MTA1: variants seen among roughly 807,000 people sequenced by gnomAD.
MTA1 encodes metastasis associated 1, also known as metastasis-associated protein MTA1.
MTA1 carries 15 observed loss-of-function variants against 97.0 expected under a neutral mutation model. The observed-to-expected ratio is 0.15, with a 90% CI of 0.10 to 0.24. MTA1 has a LOEUF of 0.24. MTA1 is among the 10% of genes least tolerant of loss of function. The probability of loss-of-function intolerance (pLI) is 1.00; values close to 1 mark genes in which losing one functional copy is unlikely to be tolerated. For synonymous variants in MTA1, 435 were observed against 417.5 expected (o/e 1.04, Z -0.51); for missense variants, 709 against 1,015.1 (o/e 0.70, Z 4.10).
At chr14:105,468,452 G>A in intron 18 of MTA1, 1 of 1,110,130 alleles carries the variant, frequency 9.0e-7, no homozygotes, top group African/African-American at 1.6e-5. Context: ...CCGCAGATCA[G>A]GCACCTGGGC....
intron 1 of MTA1, among the ~76,000 whole-genome samples, chr14:105,427,942 C>T (rs1389328725): frequency 7.0e-6 from 1 of 142,440 alleles, no homozygotes; most frequent in Non-Finnish European, 1.5e-5. Flanking sequence ...CACTTGCGTG[C>T]AGGACGCAGA....
Position 105,450,339 on chromosome 14 carries a change from G to C in MTA1, c.432+15G>C, listed in dbSNP as rs782484850. The C allele has an allele frequency of 1.9e-6, 3 of 1,595,728 alleles. No individual in the cohort carries two copies. The highest frequency in any genetic ancestry group is 2.2e-5 in the South Asian group (2 of 90,304). On this transcript the variant is annotated intron_variant, in intron 6 of 20. Transcript: ENST00000331320. ...TGGAGCGGGAGGTGAGGCCCAGCCC[G>C]GCCTGGTCTGCCGCAGCCAGTCCCG...
chr14:105,470,285 CG>C lies in MTA1; in HGVS notation c.*71del. The stretch of plus-strand genomic sequence containing the variant: ...CACGGCCCCTTCCCAGCCAGCCCGC[CG>C]CCCGCCCCTCAGTTTGGTAGTGCCC... On this transcript the variant is annotated 3_prime_UTR_variant, in exon 21 of 21. Coordinates refer to ENST00000331320, the MANE Select transcript of MTA1 (RefSeq NM_004689.4). 7.6e-7 allele frequency: 1 copy of C among 1,310,350 alleles called. No individual in the cohort carries two copies. The highest frequency in any genetic ancestry group is 9.8e-7 in the Non-Finnish European group (1 of 1,016,506). The allele number at this position is 1,310,350 out of a possible 1,614,324, so 81.2% of individuals were successfully genotyped here. A position where few individuals can be genotyped will look rare whatever the true frequency, so the allele number is the denominator to read the frequency against.
intron 1 of MTA1, among the ~76,000 whole-genome samples, chr14:105,421,113 G>A (rs868947270): frequency 5.7e-5 from 8 of 140,932 alleles, no homozygotes; most frequent in South Asian, 2.2e-4. Context: ...CCTTGGGGAC[G>A]GTGGGAGCCC....
Position 105,449,935 on chromosome 14 carries a change from G to A in MTA1, c.242-123G>A. 3.6e-6 allele frequency: 5 copies of A among 1,385,072 alleles called. No individual in the cohort carries two copies. The South Asian group carries it at 3.9e-5, about 11-fold the overall frequency. 85.8% of individuals were successfully genotyped at this position (1,385,072 alleles called of 1,614,324 possible). A position where few individuals can be genotyped will look rare whatever the true frequency, so the allele number is the denominator to read the frequency against. On this transcript the variant is annotated intron_variant, in intron 4 of 20. Coordinates refer to ENST00000331320, the MANE Select transcript of MTA1 (RefSeq NM_004689.4). ...GCAGTGGGACAGTGTCCGGCAGCAG[G>A]AGGAGGCACGCCTCCCAGGACTGGG...
intron 13 of MTA1, 89 bp from the exon 14 acceptor site, chr14:105,464,327 G>A: frequency 1.9e-6 from 3 of 1,543,398 alleles, no homozygotes; most frequent in East Asian, 2.3e-5. Context: ...CTGGCGGGTG[G>A]GGGCGGCCGG....
chr14:105,463,718 C>A lies in MTA1; in HGVS notation c.1076+167C>A. On this transcript the variant is annotated intron_variant, in intron 12 of 20. Coordinates refer to ENST00000331320, the MANE Select transcript of MTA1 (RefSeq NM_004689.4). This position sits in a 1 kb window ranked among gnomAD's most constrained non-coding sequence, Gnocchi z 5.9. The stretch of plus-strand genomic sequence containing the variant: ...AGGGCTGGGGGGTTCTGGCTGCAGA[C>A]GCAGTGGCCATGTCTCTGTCGTCCT... The A allele has an allele frequency of 1.5e-6, 1 of 665,668 alleles. No individual in the cohort carries two copies. The allele number at this position is 665,668 out of a possible 1,614,324, so 41.2% of individuals were successfully genotyped here.
chr14:105,445,351 C>G lies in MTA1; in HGVS notation c.97-67C>G, dbSNP rs587726169. On this transcript the variant is annotated intron_variant, in intron 2 of 20. Transcript: ENST00000331320. The stretch of plus-strand genomic sequence containing the variant: ...GGACGGCAGGGTCCGGCCTTGGAGC[C>G]CCTCCTGGGAGCTGTGCAGCCCGGG... 13 of 1,468,468 alleles carry G rather than the reference C, an allele frequency of 8.9e-6. No individual in the cohort carries two copies. In the East Asian group the frequency reaches 3.0e-4, roughly 33 times the overall value. 91.0% of individuals were successfully genotyped at this position (1,468,468 alleles called of 1,614,324 possible). A position where few individuals can be genotyped will look rare whatever the true frequency, so the allele number is the denominator to read the frequency against.
In MTA1 at chr14:105,420,392, G is replaced by A. The variant is rs1410187642; in HGVS notation, c.28+329G>A. On this transcript the variant is annotated intron_variant, in intron 1 of 20. Transcript: ENST00000331320. The surrounding 1 kb of genome is among the most constrained non-coding windows in gnomAD (Gnocchi z 5.3). The stretch of plus-strand genomic sequence containing the variant: ...GGTCCGGGGCCGGGAGCCCCCAGCG[G>A]GAGCACGTGGCCTTGGGAGGCGCCG... 2.6e-5 allele frequency among the ~76,000 whole-genome samples: 4 copies of A among 151,974 alleles called. No homozygotes were observed. The highest frequency in any genetic ancestry group is 4.4e-5 in the Non-Finnish European group (3 of 67,940).
intron 2 of MTA1, among the ~76,000 whole-genome samples, chr14:105,440,970 G>C (rs1448667022): frequency 6.6e-6 from 1 of 152,222 alleles, no homozygotes; most frequent in East Asian, 1.9e-4. Context: ...TGGGAGAGGC[G>C]GTGCCACTGG....
chr14:105,423,210 G>GT (rs2081902275), intron 1 of MTA1, among the ~76,000 whole-genome samples: 1 of 138,666 alleles, frequency 7.2e-6, no homozygotes, highest in Non-Finnish European at 1.6e-5. Context: ...GATTTTTTTT[G>GT]TTTAATTTTT....
At chr14:105,467,492 GT>G (rs1567048950) in intron 18 of MTA1, 3 of 455,846 alleles carry the variant, frequency 6.6e-6, no homozygotes, top group Non-Finnish European at 1.3e-5. Flanking sequence ...AGGCTGCTGG[GT>G]GTCCTGGCAG....
At chr14:105,456,311 C>T (rs1461356017) in intron 7 of MTA1, among the ~76,000 whole-genome samples, 9 of 152,382 alleles carry the variant, frequency 5.9e-5, no homozygotes, top group Admixed American at 1.3e-4. Context: ...GTACCTTCAG[C>T]CTGGGGCCAG....
At chr14:105,458,928 C>A (rs6576106) in intron 8 of MTA1, among the ~76,000 whole-genome samples, 132,225 of 151,184 alleles carry the variant, frequency 0.87, 60,547 homozygotes, top group Non-Finnish European at 1. Flanking sequence ...CACGAGGAGT[C>A]CTCGCCACCT....
At chr14:105,425,972 C>T (rs909540260) in intron 1 of MTA1, among the ~76,000 whole-genome samples, 32 of 152,208 alleles carry the variant, frequency 2.1e-4, no homozygotes, top group African/African-American at 6.5e-4. Flanking sequence ...CAGAGCCGCC[C>T]GGCAGCCTCC....
intron 3 of MTA1, chr14:105,445,766 G>C: frequency 3.2e-6 from 2 of 615,908 alleles, no homozygotes; most frequent in Non-Finnish European, 6.1e-6. Flanking sequence ...TCCTCTGCAA[G>C]CTTGTCATGG....
At chr14:105,432,035 C>A (rs1420263620) in intron 1 of MTA1, among the ~76,000 whole-genome samples, 3 of 152,024 alleles carry the variant, frequency 2.0e-5, no homozygotes, top group Non-Finnish European at 2.9e-5. Flanking sequence ...TAAAAAAAAA[C>A]CTTTTTTAAA....
intron 1 of MTA1, among the ~76,000 whole-genome samples, chr14:105,434,548 G>A (rs1360667555): frequency 6.9e-6 from 1 of 144,008 alleles, no homozygotes; most frequent in Non-Finnish European, 1.5e-5. Flanking sequence ...AGGCTGGAGT[G>A]CAGTGAATGG....
rs1555426896 is a variant in MTA1, at chr14:105,445,499, G to T, written c.178G>T (p.Asp60Tyr). ...DISSTLIALA[D>Y]KHATLSVCYK... ...CTCCAGCACCCTCATCGCCCTGGCC[G>T]ACAAGCACGCAAGTGAGTCCGGCCT... The change falls in exon 3 of 21, where the codon GAC becomes TAC. Residue 60 changes from aspartate to tyrosine, a missense_variant. Physicochemically the swap from Asp to Tyr is radical, Grantham distance 160. Around this residue, in one of 2 missense-constraint regions of MTA1, gnomAD observed 321 missense variants for 593.5 expected, o/e 0.54. Transcript: ENST00000331320. 1.2e-6 allele frequency: 2 copies of T among 1,613,170 alleles called. No homozygotes were observed. Among genetic ancestry groups the T allele is most frequent in the South Asian group, 1.1e-5 (1 of 91,046 alleles).
Sources: allele counts gnomAD v4.1 joint callset (sites outside exome capture counted in the v4.1 genomes callset), GRCh38; gene constraint gnomAD v4.1.1; regional missense constraint gnomAD v4.1.1; non-coding constraint Gnocchi (gnomAD v3.1); transcripts MANE v1.5; gene names NCBI Gene and HGNC (gene_info 2026-07-23, HGNC 2026-07-21).